The following ATF7IP2 variants were observed in gnomAD, a reference collection of about 807,000 sequenced individuals.
ATF7IP2 encodes activating transcription factor 7 interacting protein 2.
ATF7IP2 carries 42 observed loss-of-function variants against 64.2 expected under a neutral mutation model. That is an observed-to-expected ratio of 0.65 (90% CI 0.51 to 0.85). The LOEUF (loss-of-function observed/expected upper bound fraction) is 0.85, where lower values mean the gene tolerates loss of function less well. Ranked by LOEUF, ATF7IP2 falls within the 40% of genes least tolerant of loss-of-function variation. The pLI, the probability that ATF7IP2 is intolerant of heterozygous loss-of-function variation, is 0.00. For synonymous variants in ATF7IP2, 308 were observed against 272.8 expected, an observed-to-expected ratio of 1.13 and a Z score of -1.27; for missense variants, 933 against 784.2, an observed-to-expected ratio of 1.19 and a Z score of -2.27.
At chr16:10,438,034 A>C in intron 6 of ATF7IP2, 67 bp from the exon 7 acceptor site, 1 of 1,277,890 alleles carries the variant, frequency 7.8e-7, no homozygotes, top group African/African-American at 1.5e-5. Context: ...AGGCTTTTTA[A>C]GTAGAAAGTA....
At chr16:10,469,207 C>T (rs1305360633) in intron 9 of ATF7IP2, among the ~76,000 whole-genome samples, 1 of 151,882 alleles carries the variant, frequency 6.6e-6, no homozygotes, top group Non-Finnish European at 1.5e-5. Context: ...TAGCAGACGA[C>T]CTAAAAGAGC....
intron 1 of ATF7IP2, among the ~76,000 whole-genome samples, chr16:10,408,911 G>C (rs898650729): frequency 6.6e-5 from 10 of 152,136 alleles, no homozygotes; most frequent in Non-Finnish European, 1.5e-4. Context: ...TGAAATCCTT[G>C]CCTAAGTCAA....
intron 1 of ATF7IP2, among the ~76,000 whole-genome samples, chr16:10,391,073 G>T (rs1033141971): frequency 6.6e-5 from 10 of 151,672 alleles, no homozygotes; most frequent in African/African-American, 2.4e-4. Context: ...TGGGAGAATT[G>T]CTGAGCCCAA....
chr16:10,428,861 T>C lies in ATF7IP2; in HGVS notation c.-159-7T>C, dbSNP rs2048151532. ...TTCACCATATATTTATTTTCTTTTT[T>C]TGATAGGAATCCTGCTTTTTTTTTT... On this transcript the variant is annotated splice_region_variant and splice_polypyrimidine_tract_variant and intron_variant, in intron 3 of 13. Transcript: ENST00000562102. The C allele has an allele frequency of 6.6e-6, 1 of 150,454 alleles. No homozygotes were observed. The highest frequency in any genetic ancestry group is 2.5e-5 in the African/African-American group (1 of 40,176). 9.3% of individuals were successfully genotyped at this position (150,454 alleles called of 1,614,324 possible).
At chr16:10,456,581 ACTGGGTCTCCCATTTAGCCCCTGCCGG>A (rs1325159999) in intron 8 of ATF7IP2, among the ~76,000 whole-genome samples, 1 of 152,150 alleles carries the variant, frequency 6.6e-6, no homozygotes, top group Non-Finnish European at 1.5e-5. Context: ...TTCTGGCTCC[ACTGGGTCTCCCATTTAGCCCCTGCCGG>A]TGCCACCTCA....
At chr16:10,436,937 T>G (rs770437763) in intron 6 of ATF7IP2, among the ~76,000 whole-genome samples, 1 of 152,064 alleles carries the variant, frequency 6.6e-6, no homozygotes, top group African/African-American at 2.4e-5. Flanking sequence ...ATTTTTCATA[T>G]TACAGCTACT....
At chr16:10,410,311 A>AGTTTT (rs71133350) in intron 1 of ATF7IP2, among the ~76,000 whole-genome samples, 2,844 of 150,228 alleles carry the variant, frequency 0.019, 40 homozygotes, top group Middle Eastern at 0.031. Context: ...TATATTCCTA[A>AGTTTT]GTTTTGTTTT....
chr16:10,454,382 C>T (rs1419039387), intron 8 of ATF7IP2: 4 of 137,748 alleles, frequency 2.9e-5, no homozygotes, highest in African/African-American at 1.1e-4. Flanking sequence ...TGTACTCCAG[C>T]CCAGTGACAG....
At chr16:10,426,343 G>C (rs925260177) in intron 3 of ATF7IP2, among the ~76,000 whole-genome samples, 3 of 152,158 alleles carry the variant, frequency 2.0e-5, no homozygotes, top group African/African-American at 7.2e-5. Flanking sequence ...TTCACTGAAC[G>C]GGTTCTATGA....
chr16:10,481,463 T>G (rs1049698214), intron 13 of ATF7IP2, among the ~76,000 whole-genome samples: 1 of 152,312 alleles, frequency 6.6e-6, no homozygotes, highest in South Asian at 2.1e-4. Flanking sequence ...TTTTGTATTT[T>G]TAGTAGAGAC....
intron 7 of ATF7IP2, 85 bp downstream of exon 7, chr16:10,438,320 C>G: frequency 7.4e-7 from 1 of 1,346,230 alleles, no homozygotes; most frequent in South Asian, 1.7e-5. Context: ...CGGTGGCTCA[C>G]TGCAGCCTCT....
intron 1 of ATF7IP2, among the ~76,000 whole-genome samples, chr16:10,404,088 T>G (rs1387500787): frequency 6.6e-6 from 1 of 152,190 alleles, no homozygotes; most frequent in African/African-American, 2.4e-5. Context: ...AGCCTAATGA[T>G]TCCTAGGAAA....
chr16:10,414,149 TTTC>T (rs1372516202), intron 1 of ATF7IP2, among the ~76,000 whole-genome samples: 1 of 152,180 alleles, frequency 6.6e-6, no homozygotes, highest in Non-Finnish European at 1.5e-5. Flanking sequence ...CCCGGGAAGT[TTTC>T]CTTGACTATT....
intron 8 of ATF7IP2, among the ~76,000 whole-genome samples, chr16:10,441,976 A>G (rs1344685224): frequency 6.6e-6 from 1 of 152,230 alleles, no homozygotes; most frequent in Non-Finnish European, 1.5e-5. Context: ...CACACTGAAC[A>G]AAGGAAAGCA....
chr16:10,411,794 A>G (rs1210178156), intron 1 of ATF7IP2, among the ~76,000 whole-genome samples: 1 of 151,676 alleles, frequency 6.6e-6, no homozygotes, highest in Non-Finnish European at 1.5e-5. Flanking sequence ...CATCTCCTCT[A>G]GGTTTTCTAG....
intron 6 of ATF7IP2, among the ~76,000 whole-genome samples, chr16:10,436,534 C>T (rs960859906): frequency 6.6e-6 from 1 of 151,784 alleles, no homozygotes; most frequent in African/African-American, 2.4e-5. Context: ...ATCAAGTAGA[C>T]AATGTTGAAG....
intron 1 of ATF7IP2, among the ~76,000 whole-genome samples, chr16:10,390,714 A>T (rs1428675170): frequency 6.6e-6 from 1 of 152,160 alleles, no homozygotes; most frequent in African/African-American, 2.4e-5. Flanking sequence ...ACTTGAGCCT[A>T]GGATTTTGAG....
At chr16:10,414,368 G>T (rs1029951852) in intron 1 of ATF7IP2, among the ~76,000 whole-genome samples, 5 of 151,864 alleles carry the variant, frequency 3.3e-5, no homozygotes, top group Non-Finnish European at 7.4e-5. Context: ...TTTTGTTGCT[G>T]AGACTTTCTA....
chr16:10,455,913 C>T (rs1388662426), intron 8 of ATF7IP2, among the ~76,000 whole-genome samples: 1 of 152,050 alleles, frequency 6.6e-6, no homozygotes, highest in Non-Finnish European at 1.5e-5. Context: ...TGCATTGTAT[C>T]CTACATTATA....
Sources: allele counts gnomAD v4.1 joint callset (sites outside exome capture counted in the v4.1 genomes callset), GRCh38; gene constraint gnomAD v4.1.1; transcripts MANE v1.5; gene names NCBI Gene and HGNC (gene_info 2026-07-23, HGNC 2026-07-21).